Variants in UCK2 observed in about 807,000 individuals in gnomAD.
UCK2 encodes the protein uridine-cytidine kinase 2.
UCK2 carries 6 observed loss-of-function variants against 30.8 expected under a neutral mutation model. The observed-to-expected ratio is 0.19, with a 90% CI of 0.11 to 0.38. The LOEUF is 0.38. UCK2 is among the 10% of genes least tolerant of loss of function. The pLI, the probability that UCK2 is intolerant of heterozygous loss-of-function variation, is 1.00. For synonymous variants in UCK2, 125 were observed against 133.6 expected (o/e 0.94, Z 0.45); for missense variants, 210 against 339.8 (o/e 0.62, Z 3.00).
chr1:165,845,597 A>G (rs1364123740), intron 1 of UCK2, among the ~76,000 whole-genome samples: 1 of 152,134 alleles, frequency 6.6e-6, no homozygotes, highest in Non-Finnish European at 1.5e-5. Context: ...GGAAATATTT[A>G]AGTCTCATCA....
At chr1:165,876,535 A>G (rs1297507793) in intron 1 of UCK2, among the ~76,000 whole-genome samples, 1 of 152,236 alleles carries the variant, frequency 6.6e-6, no homozygotes, top group Non-Finnish European at 1.5e-5. Context: ...TATCCTCTGT[A>G]AGGAGATAAA....
intron 1 of UCK2, among the ~76,000 whole-genome samples, chr1:165,830,098 T>C (rs1218644758): frequency 6.6e-6 from 1 of 151,754 alleles, no homozygotes; most frequent in African/African-American, 2.4e-5. Context: ...CTCCACCTGT[T>C]GGGCTCAAGT....
intron 3 of UCK2, chr1:165,891,645 GATGT>G (rs1479208786): frequency 7.8e-6 from 2 of 256,356 alleles, no homozygotes; most frequent in African/African-American, 4.4e-5. Flanking sequence ...CCTGGAACAA[GATGT>G]AAGGGGAGGG....
rs1036555654 is a variant in UCK2 at position 165,827,856 on chromosome 1, C to T, written c.23C>T (p.Thr8Ile). 2 of 1,471,528 alleles carry T rather than the reference C, an allele frequency of 1.4e-6. No individual in the cohort carries two copies. 91.2% of individuals were successfully genotyped at this position (1,471,528 alleles called of 1,614,324 possible). A position where few individuals can be genotyped will look rare whatever the true frequency, so the allele number is the denominator to read the frequency against. Residue 8 changes from threonine to isoleucine, a missense_variant, in exon 1 of 7, where the codon ACC becomes ATC. Around this residue, in one of 4 missense-constraint regions of UCK2, gnomAD observed 50 missense variants for 41.0 expected, o/e 1.22. Coordinates refer to ENST00000367879, the MANE Select transcript of UCK2 (RefSeq NM_012474.5). ...ACCATGGCCGGGGACAGCGAGCAGA[C>T]CCTGCAGAACCACCAGCAGCCCAAC... MAGDSEQ[T>I]LQNHQQPNGG...
intron 1 of UCK2, among the ~76,000 whole-genome samples, chr1:165,833,255 G>A (rs984689394): frequency 2.0e-5 from 3 of 152,078 alleles, no homozygotes; most frequent in Non-Finnish European, 2.9e-5. Context: ...TGTGTTTTCC[G>A]TCACCTCAAA....
intron 1 of UCK2, among the ~76,000 whole-genome samples, chr1:165,846,312 C>G (rs568200491): frequency 2.4e-4 from 36 of 152,216 alleles, no homozygotes; most frequent in African/African-American, 8.2e-4. Flanking sequence ...TAAAAAACCA[C>G]AACATTTTAA....
intron 6 of UCK2, among the ~76,000 whole-genome samples, chr1:165,907,283 C>G (rs1036744677): frequency 3.3e-5 from 5 of 152,170 alleles, no homozygotes; most frequent in Non-Finnish European, 4.4e-5. Flanking sequence ...TAGGGATGCT[C>G]TGTCTTAGGA....
At chr1:165,899,590 G>C (rs1034680649) in intron 4 of UCK2, among the ~76,000 whole-genome samples, 8 of 152,228 alleles carry the variant, frequency 5.3e-5, no homozygotes, top group Non-Finnish European at 1.2e-4. Context: ...AAGGGCTGAC[G>C]TGGAAGCCCA....
At chr1:165,865,002 C>T (rs990868043) in intron 1 of UCK2, among the ~76,000 whole-genome samples, 1 of 151,954 alleles carries the variant, frequency 6.6e-6, no homozygotes, top group South Asian at 2.1e-4. Context: ...TGAGATTTTA[C>T]ACACACACAC....
In UCK2 at chr1:165,907,999, AGAACTTGACCCT is replaced by A; in HGVS notation, c.*179_*190del. On this transcript the variant is annotated 3_prime_UTR_variant, in exon 7 of 7. Coordinates refer to ENST00000367879, the MANE Select transcript of UCK2 (RefSeq NM_012474.5). ...GTACTTTGGAACGACAAAATGAAAC[AGAACTTGACCCT>A]GAGCTTAAATAACAAAACTGTGCCA... The A allele has an allele frequency of 1.1e-6, 1 of 915,536 alleles. No individual in the cohort carries two copies. Among genetic ancestry groups the A allele is most frequent in the South Asian group, 2.2e-5 (1 of 46,068 alleles). 56.7% of individuals were successfully genotyped at this position (915,536 alleles called of 1,614,324 possible).
chr1:165,856,021 GA>G (rs1225287806), intron 1 of UCK2, among the ~76,000 whole-genome samples: 1 of 152,122 alleles, frequency 6.6e-6, no homozygotes, highest in African/African-American at 2.4e-5. Flanking sequence ...AATAAAATGT[GA>G]AAATAGGTAT....
intron 1 of UCK2, among the ~76,000 whole-genome samples, chr1:165,858,050 GT>G (rs1557837538): frequency 6.6e-6 from 1 of 152,136 alleles, no homozygotes; most frequent in Admixed American, 6.5e-5. Context: ...TTGGAAAAAG[GT>G]TTTTTTCCTT....
chr1:165,907,638 C>T, intron 6 of UCK2, 46 bp from the exon 7 acceptor site: 3 of 1,604,490 alleles, frequency 1.9e-6, no homozygotes, highest in Non-Finnish European at 1.7e-6. Flanking sequence ...CTCACCCCTG[C>T]ACCCATGCCT....
chr1:165,827,724 C>T lies in UCK2; in HGVS notation c.-110C>T. 9.6e-7 allele frequency: 1 copy of T among 1,039,012 alleles called. No homozygotes were observed. Among genetic ancestry groups the T allele is most frequent in the South Asian group, 3.5e-5 (1 of 28,744 alleles). The allele number at this position is 1,039,012 out of a possible 1,614,324, so 64.4% of individuals were successfully genotyped here. A position where few individuals can be genotyped will look rare whatever the true frequency, so the allele number is the denominator to read the frequency against. On this transcript the variant is annotated 5_prime_UTR_variant, in exon 1 of 7. Coordinates refer to ENST00000367879, the MANE Select transcript of UCK2 (RefSeq NM_012474.5). ...GCAGGCGAGCGACAGCGGCCTCAGC[C>T]CCGGCAGCGCCCAGCGGCGGCTGCG...
intron 1 of UCK2, among the ~76,000 whole-genome samples, chr1:165,840,101 T>C (rs1417247616): frequency 6.6e-6 from 1 of 152,226 alleles, no homozygotes; most frequent in Non-Finnish European, 1.5e-5. Flanking sequence ...GTATTTTTAG[T>C]AGAGGCGGGG....
chr1:165,851,757 C>G (rs970813423), intron 1 of UCK2, among the ~76,000 whole-genome samples: 1 of 152,140 alleles, frequency 6.6e-6, no homozygotes, highest in Non-Finnish European at 1.5e-5. Context: ...CATCCCTACC[C>G]CCAGCAGGCC....
At chr1:165,874,703 T>C (rs1655290453) in intron 1 of UCK2, among the ~76,000 whole-genome samples, 1 of 152,186 alleles carries the variant, frequency 6.6e-6, no homozygotes, top group Non-Finnish European at 1.5e-5. Context: ...AAGATTTTTT[T>C]TTTAACGTAA....
chr1:165,852,041 CAT>C (rs1354073311), intron 1 of UCK2, among the ~76,000 whole-genome samples: 3 of 152,194 alleles, frequency 2.0e-5, no homozygotes, highest in South Asian at 2.1e-4. Context: ...CTGCAGTAAA[CAT>C]ATGTGTACAT....
In UCK2 at chr1:165,890,169, C is replaced by T. The variant is rs1253279911; in HGVS notation, c.100-35C>T. ...TTCCTCTGTACCACACGTGCCCTTT[C>T]TCTTATTCCTGGGTGCTCTCTTCTC... On this transcript the variant is annotated intron_variant, in intron 1 of 6. Coordinates refer to ENST00000367879, the MANE Select transcript of UCK2 (RefSeq NM_012474.5). 1.9e-6 allele frequency: 3 copies of T among 1,611,878 alleles called. No homozygotes were observed. The African/African-American group carries it at 4.0e-5, about 22-fold the overall frequency.
Sources: allele counts gnomAD v4.1 joint callset (sites outside exome capture counted in the v4.1 genomes callset), GRCh38; gene constraint gnomAD v4.1.1; regional missense constraint gnomAD v4.1.1; transcripts MANE v1.5; gene names NCBI Gene and HGNC (gene_info 2026-07-23, HGNC 2026-07-21).